The following ZFAT variants were observed in gnomAD, a reference collection of about 807,000 sequenced individuals.
The protein encoded by ZFAT is zinc finger protein ZFAT.
Under a neutral mutation model 117.7 loss-of-function variants are expected in ZFAT, and 64 were observed. The observed-to-expected ratio is 0.54, with a 90% confidence interval of 0.44 to 0.67. The LOEUF (loss-of-function observed/expected upper bound fraction) is 0.67, where lower values mean the gene tolerates loss of function less well. ZFAT is among the 30% of genes least tolerant of loss of function. The pLI is 0.00. For synonymous variants in ZFAT, 679 were observed against 615.0 expected, an observed-to-expected ratio of 1.10 and a Z score of -1.54; for missense variants, 1,433 against 1,584.5, an observed-to-expected ratio of 0.90 and a Z score of 1.62.
At chr8:134,632,059 T>C (rs889970167) in intron 3 of ZFAT, among the ~76,000 whole-genome samples, 5 of 152,306 alleles carry the variant, frequency 3.3e-5, no homozygotes, top group Admixed American at 6.5e-5. Context: ...ATATATACAG[T>C]TGACCCTTGA....
rs564973145 is a variant in ZFAT at position 134,574,346 on chromosome 8, G to A, written c.2888-8925C>T. On this transcript the variant is annotated intron_variant, in intron 10 of 15. Transcript: ENST00000377838. ...GAAAGGCAATCGCTCCTGGCCTCCCGGCAGCTGTGGGCAGGCCACCGTGGG... is the reference window on the plus strand; with the variant it reads ...GAAAGGCAATCGCTCCTGGCCTCCCAGCAGCTGTGGGCAGGCCACCGTGGG... 6.6e-5 allele frequency among the ~76,000 whole-genome samples: 10 copies of A among 152,124 alleles called. No homozygotes were observed. The South Asian group carries it at 1.9e-3, about 28-fold the overall frequency.
chr8:134,822,510 T>C, the ZFAT span, among the ~76,000 whole-genome samples: 19 of 152,138 alleles, frequency 1.2e-4, no homozygotes, highest in Non-Finnish European at 2.1e-4. Context: ...TTATTAAAAT[T>C]TGAAAAATTT....
chr8:134,757,119 C>A, the ZFAT span, among the ~76,000 whole-genome samples: 45,857 of 149,568 alleles, frequency 0.31, 7,148 homozygotes, highest in South Asian at 0.34. Context: ...CGGGTTCAAG[C>A]ACTTCTCCTG....
chr8:134,616,738 C>G (rs1828765501), intron 3 of ZFAT, among the ~76,000 whole-genome samples: 2 of 152,170 alleles, frequency 1.3e-5, no homozygotes, highest in African/African-American at 4.8e-5. Context: ...TACAAACCAG[C>G]TGGCCTGAGC....
intron 15 of ZFAT, among the ~76,000 whole-genome samples, chr8:134,502,504 T>C (rs910710293): frequency 6.6e-6 from 1 of 152,190 alleles, no homozygotes; most frequent in African/African-American, 2.4e-5. Flanking sequence ...AACCAACATA[T>C]GTCTTCCAGC....
At chr8:134,500,475 A>G (rs372202593) in intron 15 of ZFAT, among the ~76,000 whole-genome samples, 61 of 152,200 alleles carry the variant, frequency 4.0e-4, no homozygotes, top group African/African-American at 1.4e-3. Context: ...TTTGTTCTCT[A>G]TGTTTTCAGA....
intron 15 of ZFAT, among the ~76,000 whole-genome samples, chr8:134,484,128 G>A (rs1817503946): frequency 6.6e-6 from 1 of 152,176 alleles, no homozygotes; most frequent in African/African-American, 2.4e-5. Flanking sequence ...GGTGGGTCCT[G>A]CATTGCTCCC....
chr8:134,714,869 C>T (rs1047705383), upstream of ZFAT, among the ~76,000 whole-genome samples: 4 of 151,980 alleles, frequency 2.6e-5, no homozygotes, highest in African/African-American at 9.7e-5. Flanking sequence ...GGAGAGCCTC[C>T]AAGAGAGCCA....
chr8:134,569,803 A>T (rs564583061), intron 10 of ZFAT, among the ~76,000 whole-genome samples: 82 of 152,302 alleles, frequency 5.4e-4, no homozygotes, highest in African/African-American at 1.9e-3. Flanking sequence ...CCCTGAGACA[A>T]TCCAAATATT....
intron 10 of ZFAT, among the ~76,000 whole-genome samples, chr8:134,579,432 C>G (rs967230393): frequency 6.6e-6 from 1 of 152,110 alleles, no homozygotes; most frequent in Non-Finnish European, 1.5e-5. Flanking sequence ...AAAGGGGAAA[C>G]CCCTTATAAA....
chr8:134,619,374 G>T (rs576807052), intron 3 of ZFAT, among the ~76,000 whole-genome samples: 1 of 152,086 alleles, frequency 6.6e-6, no homozygotes, highest in African/African-American at 2.4e-5. Flanking sequence ...TTGAAAAACC[G>T]TAAGTCCACC....
chr8:134,825,516 C>T, the ZFAT span, among the ~76,000 whole-genome samples: 1 of 152,198 alleles, frequency 6.6e-6, no homozygotes. Context: ...ATAGTTATTT[C>T]TTTACTCCAT....
At chr8:134,481,218 T>A (rs1817280756) in intron 15 of ZFAT, among the ~76,000 whole-genome samples, 1 of 152,108 alleles carries the variant, frequency 6.6e-6, no homozygotes, top group African/African-American at 2.4e-5. Flanking sequence ...GACAGAAGAC[T>A]GGGAAAGGGA....
chr8:134,662,620 C>T (rs750733093), intron 1 of ZFAT, among the ~76,000 whole-genome samples: 1 of 152,200 alleles, frequency 6.6e-6, no homozygotes, highest in Non-Finnish European at 1.5e-5. Flanking sequence ...ATCCTTTGGC[C>T]GGCTGGGTGA....
rs1477641252 is a variant in ZFAT at position 134,511,448 on chromosome 8, G to A, written c.3361+1027C>T. Among the ~76,000 whole-genome samples the A allele has an allele frequency of 1.2e-4, 19 of 152,340 alleles. 1 individual carries two copies. Among genetic ancestry groups the A allele is most frequent in the African/African-American group, 4.1e-4 (17 of 41,568 alleles). ...GGAGGCACTGCCTCCTGAATTCCCT[G>A]CAGCTCAGCAGGCAGTGAACACAGC... On this transcript the variant is annotated intron_variant, in intron 14 of 15. Transcript: ENST00000377838.
chr8:134,677,112 T>C (rs140404147), intron 1 of ZFAT, among the ~76,000 whole-genome samples: 45 of 147,958 alleles, frequency 3.0e-4, no homozygotes, highest in Non-Finnish European at 5.1e-4. Context: ...CTAAAGGAGA[T>C]AGAGATACGA....
intron 15 of ZFAT, among the ~76,000 whole-genome samples, chr8:134,480,739 T>C (rs1197046206): frequency 6.6e-6 from 1 of 152,136 alleles, no homozygotes; most frequent in Non-Finnish European, 1.5e-5. Flanking sequence ...ACTCACGACA[T>C]GTCCGGGTCC....
chr8:134,825,019 T>C, the ZFAT span, among the ~76,000 whole-genome samples: 1 of 152,224 alleles, frequency 6.6e-6, no homozygotes, highest in Non-Finnish European at 1.5e-5. Flanking sequence ...AAAGCCCTTC[T>C]CCATCTATAA....
the ZFAT span, among the ~76,000 whole-genome samples, chr8:134,827,800 A>G: frequency 6.6e-6 from 1 of 151,396 alleles, no homozygotes; most frequent in Admixed American, 6.6e-5. Context: ...AGTTAATATT[A>G]TTTTGAAACC....
Sources: gnomAD v4.1 joint callset for allele counts (sites outside exome capture counted in the v4.1 genomes callset) on GRCh38, gnomAD v4.1.1 for gene constraint, MANE v1.5 for transcripts, NCBI Gene and HGNC (gene_info 2026-07-23, HGNC 2026-07-21) for gene names.